RPGRIP1: variants seen among roughly 807,000 people sequenced by gnomAD.
RPGRIP1 encodes X-linked retinitis pigmentosa GTPase regulator-interacting protein 1.
RPGRIP1 carries 128 observed loss-of-function variants against 157.9 expected under a neutral mutation model. The ratio of observed to expected loss-of-function variants is 0.81; its 90% confidence interval spans 0.70 to 0.94. RPGRIP1 has a LOEUF of 0.94. Among genes scored for constraint, RPGRIP1 ranks in the 40% least tolerant of loss-of-function variants. RPGRIP1 has a pLI of 0.00. For synonymous variants in RPGRIP1, 554 were observed against 571.6 expected, an observed-to-expected ratio of 0.97 and a Z score of 0.44; for missense variants, 1,486 against 1,545.8, an observed-to-expected ratio of 0.96 and a Z score of 0.65.
chr14:21,307,637 AGAGG>A, intron 6 of RPGRIP1, 90 bp from the exon 7 acceptor site: 1 of 759,286 alleles, frequency 1.3e-6, no homozygotes, highest in Non-Finnish European at 2.3e-6. Flanking sequence ...GCAAGAGACA[AGAGG>A]GAGGTATTCT....
intron 23 of RPGRIP1, among the ~76,000 whole-genome samples, chr14:21,346,546 G>C (rs1174543685): frequency 6.6e-6 from 1 of 151,714 alleles, no homozygotes; most frequent in Non-Finnish European, 1.5e-5. Flanking sequence ...AGCAGACTCT[G>C]CCTCTAAGGA....
Position 21,298,023 on chromosome 14 carries a change from G to A in RPGRIP1, c.219-2943G>A, listed in dbSNP as rs550910089. ...TAAACTAGTGCAAGGCTGAAGCCAT[G>A]ATTGGTAAAGAAGTTGCAGTCACTC... On this transcript the variant is annotated intron_variant, in intron 3 of 24. Coordinates refer to ENST00000400017, the MANE Select transcript of RPGRIP1 (RefSeq NM_020366.4). Among the ~76,000 whole-genome samples the A allele has an allele frequency of 4.4e-4, 67 of 152,114 alleles. No individual in the cohort carries two copies. The Middle Eastern group carries it at 0.024, about 54-fold the overall frequency.
At chr14:21,333,881 T>C (rs1884047670) in intron 20 of RPGRIP1, among the ~76,000 whole-genome samples, 1 of 151,548 alleles carries the variant, frequency 6.6e-6, no homozygotes. Context: ...TCAGTCGCAT[T>C]GTAAGGAGAG....
intron 18 of RPGRIP1, among the ~76,000 whole-genome samples, chr14:21,328,043 G>A (rs1161660883): frequency 6.6e-6 from 1 of 152,172 alleles, no homozygotes; most frequent in African/African-American, 2.4e-5. Flanking sequence ...GGTGGCACAT[G>A]CCTGTAATCC....
intron 9 of RPGRIP1, among the ~76,000 whole-genome samples, chr14:21,312,195 C>T (rs1881567578): frequency 6.6e-6 from 1 of 152,102 alleles, no homozygotes; most frequent in South Asian, 2.1e-4. Flanking sequence ...TGCTGCTTCC[C>T]TAGCAGTAGA....
Position 21,326,054 on chromosome 14 carries a change from A to G in RPGRIP1, c.2591A>G (p.Tyr864Cys), listed in dbSNP as rs1026220517. 5.0e-6 allele frequency: 8 copies of G among 1,613,852 alleles called. No individual in the cohort carries two copies. Among genetic ancestry groups the G allele is most frequent in the Admixed American group, 1.7e-5 (1 of 59,996 alleles). ...CTTGTGACCTCTGACCTGGACCATT[A>G]TCTGAGACGGGAGGCCTTGTCTATA... is the stretch of plus-strand genomic sequence containing the variant. ...PVLVTSDLDH[Y>C]LRREALSIHV... The change falls in exon 17 of 25, where the codon TAT becomes TGT. Residue 864 changes from tyrosine (Y) to cysteine (C), a missense_variant. Tyr to Cys is a radical substitution (Grantham distance 194). Transcript: ENST00000400017.
intron 21 of RPGRIP1, among the ~76,000 whole-genome samples, chr14:21,335,088 G>A (rs959999796): frequency 6.7e-6 from 1 of 150,328 alleles, no homozygotes; most frequent in African/African-American, 2.5e-5. Flanking sequence ...ATGACAGTGT[G>A]CTTAGTGGCC....
intron 10 of RPGRIP1, among the ~76,000 whole-genome samples, chr14:21,313,380 A>C (rs1241639828): frequency 6.6e-6 from 1 of 151,958 alleles, no homozygotes; most frequent in Admixed American, 6.6e-5. Flanking sequence ...TACTGCCCTG[A>C]TAGTAATAGC....
At chr14:21,287,025 GA>G (rs918411436) in intron 1 of RPGRIP1, among the ~76,000 whole-genome samples, 10 of 93,312 alleles carry the variant, frequency 1.1e-4, no homozygotes, top group South Asian at 6.4e-4. Context: ...CCTGCCAAAA[GA>G]AAAAAAAAAG....
At chr14:21,341,776 C>T (rs1412176650) in intron 21 of RPGRIP1, among the ~76,000 whole-genome samples, 4 of 152,024 alleles carry the variant, frequency 2.6e-5, no homozygotes, top group African/African-American at 7.2e-5. Context: ...GAGTTCCTGG[C>T]CAGGCGCGGC....
At chr14:21,289,918 G>A (rs1306845531) in intron 2 of RPGRIP1, among the ~76,000 whole-genome samples, 1 of 152,016 alleles carries the variant, frequency 6.6e-6, no homozygotes, top group South Asian at 2.1e-4. Flanking sequence ...GTGCAGTGGC[G>A]TGATCTCAGC....
At chr14:21,283,161 T>C (rs369144169) in intron 1 of RPGRIP1, among the ~76,000 whole-genome samples, 3 of 152,296 alleles carry the variant, frequency 2.0e-5, no homozygotes, top group East Asian at 1.9e-4. Context: ...TACAGCTCCA[T>C]TTTTGCAAAT....
chr14:21,316,254 G>T (rs1398330972), intron 10 of RPGRIP1, among the ~76,000 whole-genome samples: 1 of 152,012 alleles, frequency 6.6e-6, no homozygotes, highest in Non-Finnish European at 1.5e-5. Context: ...TGGAATTACA[G>T]GTGTGAGCCA....
chr14:21,347,484 G>T (rs80343029), intron 23 of RPGRIP1, among the ~76,000 whole-genome samples: 4,311 of 152,244 alleles, frequency 0.028, 86 homozygotes, highest in Middle Eastern at 0.071. Flanking sequence ...CTAATGGGCT[G>T]AGAATGGATC....
chr14:21,334,182 A>G (rs1434487011), intron 20 of RPGRIP1, among the ~76,000 whole-genome samples: 1 of 152,088 alleles, frequency 6.6e-6, no homozygotes, highest in Non-Finnish European at 1.5e-5. Flanking sequence ...TCGAACTCCA[A>G]AAGTGCTGGG....
intron 20 of RPGRIP1, among the ~76,000 whole-genome samples, chr14:21,332,865 G>GGGAGGC (rs1332875885): frequency 6.6e-6 from 1 of 152,176 alleles, no homozygotes; most frequent in Non-Finnish European, 1.5e-5. Context: ...CCAGCAGTTT[G>GGGAGGC]GGAGGCAGAG....
intron 7 of RPGRIP1, among the ~76,000 whole-genome samples, chr14:21,308,236 T>C (rs1881398205): frequency 6.6e-6 from 1 of 152,232 alleles, no homozygotes. Context: ...CCCAGATATT[T>C]ACAGTCATGA....
Position 21,282,667 on chromosome 14 carries a change from T to C in RPGRIP1, c.-39+2508T>C, listed in dbSNP as rs560199856. Among the ~76,000 whole-genome samples, 94 of 143,932 alleles carry C rather than the reference T, an allele frequency of 6.5e-4. 1 individual carries two copies. The highest frequency in any genetic ancestry group is 2.4e-3 in the African/African-American group (91 of 38,270). The allele number at this position is 143,932 out of a possible 152,430, so 94.4% of individuals were successfully genotyped here. On this transcript the variant is annotated intron_variant, in intron 1 of 24. Transcript: ENST00000400017. ...CTCTGTCTCCCAGGCTGGAGTGCAG[T>C]GGCGTGATCTCGGCTCACAGCAAGC...
chr14:21,328,666 T>C, intron 19 of RPGRIP1, 39 bp downstream of exon 19: 1 of 1,374,632 alleles, frequency 7.3e-7, no homozygotes, highest in Non-Finnish European at 1.0e-6. Context: ...AATTGTGGGT[T>C]GTAGTGTCCC....
Sources: allele counts gnomAD v4.1 joint callset (sites outside exome capture counted in the v4.1 genomes callset), GRCh38; gene constraint gnomAD v4.1.1; transcripts MANE v1.5; gene names NCBI Gene and HGNC (gene_info 2026-07-23, HGNC 2026-07-21).